The following TNRC18 variants were observed in gnomAD, a reference collection of about 807,000 sequenced individuals.
The protein encoded by TNRC18 is trinucleotide repeat-containing gene 18 protein.
In TNRC18, 69 loss-of-function variants were observed where a neutral mutation model predicts 226.7. The ratio of observed to expected loss-of-function variants is 0.30; its 90% CI spans 0.25 to 0.37. The LOEUF (loss-of-function observed/expected upper bound fraction) is 0.37. Ranked by LOEUF, TNRC18 falls within the 10% of genes least tolerant of loss-of-function variation. The pLI is 1.00. For missense variants in TNRC18, 4,754 were observed against 4,256.6 expected, an observed-to-expected ratio of 1.12 and a Z score of -3.25; for synonymous variants, 2,449 against 1,927.6, an observed-to-expected ratio of 1.27 and a Z score of -7.09.
intron 18 of TNRC18, among the ~76,000 whole-genome samples, chr7:5,335,267 A>G (rs1009957374): frequency 7.1e-6 from 1 of 141,510 alleles, no homozygotes; most frequent in Non-Finnish European, 1.5e-5. Context: ...GCACCACTGC[A>G]CTACAGCCTG....
At position 5,315,026 on chromosome 7, in the gene TNRC18, C is replaced by A; in HGVS notation, c.6985G>T (p.Ala2329Ser). The A allele has an allele frequency of 6.2e-7, 1 of 1,608,904 alleles. No individual in the cohort carries two copies. Among genetic ancestry groups the A allele is most frequent in the Non-Finnish European group, 8.5e-7 (1 of 1,178,274 alleles). Residue 2329 changes from alanine (A) to serine (S), a missense_variant, in exon 26 of 30, where the codon GCC becomes TCC. Coordinates refer to ENST00000430969, the MANE Select transcript of TNRC18 (RefSeq NM_001080495.3). ...TAGSEEPGAK[A>S]RGRGRKPSAK... ...CTGGGTTTCCGCCCACGCCCACGGG[C>A]CTTGGCTCCTGGCTCCTCCGACCCA...
intron 5 of TNRC18, among the ~76,000 whole-genome samples, chr7:5,381,552 G>A (rs756297787): frequency 3.9e-5 from 6 of 152,042 alleles, no homozygotes; most frequent in Admixed American, 1.3e-4. Flanking sequence ...CACTGTCTGT[G>A]TCCTCGAGGC....
At position 5,359,596 on chromosome 7, in the gene TNRC18, G is replaced by C. The variant is rs1472421678; in HGVS notation, c.4662-27C>G. 3 of 1,612,050 alleles carry C rather than the reference G, an allele frequency of 1.9e-6. No homozygotes were observed. In the Admixed American group the frequency reaches 5.0e-5, roughly 27 times the overall value. ...TGAAACGCAGACACACTGCCGGTCA[G>C]CACCCTGGCCAGACAAGGCTCGCAG... is the stretch of plus-strand genomic sequence containing the variant. On this transcript the variant is annotated intron_variant, in intron 14 of 29. Transcript: ENST00000430969.
At chr7:5,400,350 C>T (rs1008439353) in intron 2 of TNRC18, among the ~76,000 whole-genome samples, 11 of 152,220 alleles carry the variant, frequency 7.2e-5, no homozygotes, top group African/African-American at 2.2e-4. Context: ...TGGCTCATGC[C>T]TGTAATCACA....
At chr7:5,423,276 C>T (rs975968960) in intron 1 of TNRC18, among the ~76,000 whole-genome samples, 165 bp downstream of exon 1, 1 of 152,012 alleles carries the variant, frequency 6.6e-6, no homozygotes, top group Non-Finnish European at 1.5e-5. Context: ...CCCGGGGCGC[C>T]CCCTCCCCGC....
At position 5,321,639 on chromosome 7, in the gene TNRC18, C is replaced by CTTTATTTA. The variant is rs10551562; in HGVS notation, c.6443-457_6443-450dup. ...GCTGCCCACAGCCAAACTTCTAGGA[C>CTTTATTTA]TTTATTTATTTATTTATTTATTTAT... is the stretch of plus-strand genomic sequence containing the variant. On this transcript the variant is annotated intron_variant, in intron 21 of 29. Transcript: ENST00000430969. Among the ~76,000 whole-genome samples the CTTTATTTA allele has an allele frequency of 3.9e-3, 555 of 143,502 alleles. 1 individual carries two copies. Among genetic ancestry groups the CTTTATTTA allele is most frequent in the African/African-American group, 9.1e-3 (348 of 38,272 alleles). 94.1% of individuals were successfully genotyped at this position (143,502 alleles called of 152,430 possible).
rs1225179545 is a variant in TNRC18, at chr7:5,345,787, C to T, written c.5494G>A (p.Glu1832Lys). The change falls in exon 18 of 30, where the codon GAG (glutamate) becomes AAG (lysine). Residue 1832 changes from glutamate (E) to lysine (K), a missense_variant. By Grantham distance (56) the Glu-to-Lys change is moderately conservative. Coordinates refer to ENST00000430969, the MANE Select transcript of TNRC18 (RefSeq NM_001080495.3). ...DQDESSEEED[E>K]EEELEEEDEA... ...TCCTCCTCCTCGAGCTCCTCCTCCT[C>T]GTCCTCCTCCTCCGAGCTCTCATCT... 2.0e-5 allele frequency: 31 copies of T among 1,545,342 alleles called. No homozygotes were observed. Among genetic ancestry groups the T allele is most frequent in the Admixed American group, 1.2e-4 (6 of 50,982 alleles).
chr7:5,325,066 A>G, intron 20 of TNRC18, 30 bp downstream of exon 20: 1 of 1,548,308 alleles, frequency 6.5e-7, no homozygotes, highest in Non-Finnish European at 8.7e-7. Context: ...AGCCCCCCAC[A>G]GCCCCCAACC....
At chr7:5,398,164 CAA>C (rs146819396) in intron 2 of TNRC18, among the ~76,000 whole-genome samples, 2 of 139,918 alleles carry the variant, frequency 1.4e-5, no homozygotes, top group African/African-American at 2.5e-5. Context: ...TCAGGCCCAG[CAA>C]AAAAAAATTT....
intron 11 of TNRC18, among the ~76,000 whole-genome samples, chr7:5,368,205 G>C (rs570122899): frequency 6.6e-6 from 1 of 151,926 alleles, no homozygotes; most frequent in Admixed American, 6.6e-5. Flanking sequence ...GGGTGCTCAC[G>C]CTTGTAATCC....
chr7:5,387,609 T>C (rs958416063), intron 5 of TNRC18, 63 bp downstream of exon 5: 16 of 1,584,286 alleles, frequency 1.0e-5, no homozygotes, highest in African/African-American at 2.7e-5. Context: ...CACACTGTAA[T>C]GTACGGGAAA....
At chr7:5,420,184 C>T (rs916308338) in intron 2 of TNRC18, 3 of 341,884 alleles carry the variant, frequency 8.8e-6, no homozygotes, top group Admixed American at 4.1e-5. Flanking sequence ...CGCCCGGGTA[C>T]CGTCCCCACC....
intron 2 of TNRC18, among the ~76,000 whole-genome samples, chr7:5,398,978 T>C (rs1780893855): frequency 6.6e-6 from 1 of 151,858 alleles, no homozygotes; most frequent in Admixed American, 6.6e-5. Flanking sequence ...CACATTAGGG[T>C]GAGGAGAGGA....
At chr7:5,414,444 A>C (rs1475472600) in intron 2 of TNRC18, among the ~76,000 whole-genome samples, 2 of 150,136 alleles carry the variant, frequency 1.3e-5, no homozygotes, top group Non-Finnish European at 3.0e-5. Flanking sequence ...ACGGAGTCTC[A>C]CTCTGTCGCC....
intron 2 of TNRC18, among the ~76,000 whole-genome samples, chr7:5,411,670 T>C (rs1781853527): frequency 6.6e-6 from 1 of 151,838 alleles, no homozygotes. Context: ...CAGGATGTGC[T>C]CTACAGAAAG....
Position 5,325,259 on chromosome 7 carries a change from A to C in TNRC18, c.6148-11T>G. ...TTTCCCTTTCTTCTTCTGGAGGAGG[A>C]AGCAGCAGAGAGGAGCCATCAAACG... On this transcript the variant is annotated splice_polypyrimidine_tract_variant and intron_variant, in intron 19 of 29. Transcript: ENST00000430969. The C allele has an allele frequency of 6.5e-7, 1 of 1,548,830 alleles. No individual in the cohort carries two copies. The highest frequency in any genetic ancestry group is 8.7e-7 in the Non-Finnish European group (1 of 1,153,384).
chr7:5,375,268 C>T (rs1794546064), intron 9 of TNRC18, among the ~76,000 whole-genome samples: 1 of 152,148 alleles, frequency 6.6e-6, no homozygotes, highest in African/African-American at 2.4e-5. Flanking sequence ...GAGATAGTAC[C>T]ACTGCACTCC....
intron 24 of TNRC18, among the ~76,000 whole-genome samples, chr7:5,317,488 A>T (rs1262777514): frequency 6.6e-6 from 1 of 151,990 alleles, no homozygotes; most frequent in African/African-American, 2.4e-5. Flanking sequence ...CTACTCCAGA[A>T]GCTGAGGCAG....
intron 10 of TNRC18, 107 bp from the exon 11 acceptor site, chr7:5,371,471 C>T (rs1794156590): frequency 3.0e-6 from 4 of 1,346,014 alleles, no homozygotes; most frequent in Non-Finnish European, 3.9e-6. Context: ...GCAGCCGCCC[C>T]CTGCTCACCC....
Sources: gnomAD v4.1 joint callset for allele counts (sites outside exome capture counted in the v4.1 genomes callset) on GRCh38, gnomAD v4.1.1 for gene constraint, MANE v1.5 for transcripts, NCBI Gene and HGNC (gene_info 2026-07-23, HGNC 2026-07-21) for gene names.